FAM171B: variants seen among roughly 807,000 people sequenced by gnomAD.
FAM171B encodes protein FAM171B.
Under a neutral mutation model 75.6 loss-of-function variants are expected in FAM171B, and 19 were observed. The ratio of observed to expected loss-of-function variants is 0.25; its 90% CI spans 0.18 to 0.37. FAM171B has a LOEUF of 0.37. Among genes scored for constraint, FAM171B ranks in the 10% least tolerant of loss-of-function variants. The pLI is 1.00. For missense variants in FAM171B, 848 were observed against 982.4 expected, an observed-to-expected ratio of 0.86 and a Z score of 1.83; for synonymous variants, 367 against 361.7, an observed-to-expected ratio of 1.01 and a Z score of -0.17.
intron 6 of FAM171B, among the ~76,000 whole-genome samples, chr2:186,758,819 A>G (rs1559093930): frequency 6.6e-6 from 1 of 152,088 alleles, no homozygotes; most frequent in Non-Finnish European, 1.5e-5. Context: ...AAGCATTGTT[A>G]TAAATGTTTT....
In FAM171B at chr2:186,765,300, G is replaced by A. The variant is rs750525976; in HGVS notation, c.*2477G>A. The A allele has an allele frequency of 6.6e-6, 1 of 151,740 alleles. No homozygotes were observed. The highest frequency in any genetic ancestry group is 2.4e-5 in the African/African-American group (1 of 41,366). The allele number at this position is 151,740 out of a possible 1,614,324, so 9.4% of individuals were successfully genotyped here. Reference sequence around the variant, plus strand: ...TGGTCACAAATTGTTAACATTTGTCGATCCTTTGTATATACTTTGGATATA... The same window carrying A: ...TGGTCACAAATTGTTAACATTTGTCAATCCTTTGTATATACTTTGGATATA... On this transcript the variant is annotated 3_prime_UTR_variant, in exon 8 of 8. Coordinates refer to ENST00000304698, the MANE Select transcript of FAM171B (RefSeq NM_177454.4).
In FAM171B at chr2:186,763,008, T is replaced by G; in HGVS notation, c.*185T>G. ...ACCAAGGAATGCTTTTTCTGGCCTA[T>G]TCATTTATTTTTGGGTGATGAATTT... On this transcript the variant is annotated 3_prime_UTR_variant, in exon 8 of 8. Transcript: ENST00000304698. 1.5e-6 allele frequency: 1 copy of G among 672,714 alleles called. No individual in the cohort carries two copies. The highest frequency in any genetic ancestry group is 2.5e-5 in the South Asian group (1 of 39,708). The allele number at this position is 672,714 out of a possible 1,614,324, so 41.7% of individuals were successfully genotyped here. A position where few individuals can be genotyped will look rare whatever the true frequency, so the allele number is the denominator to read the frequency against.
In FAM171B at chr2:186,763,388, C is replaced by T. The variant is rs1244408205; in HGVS notation, c.*565C>T. 1.3e-5 allele frequency: 2 copies of T among 151,990 alleles called. No homozygotes were observed. The highest frequency in any genetic ancestry group is 2.9e-5 in the Non-Finnish European group (2 of 68,012). 9.4% of individuals were successfully genotyped at this position (151,990 alleles called of 1,614,324 possible). ...TATTGTATCATCCCAAACGTAAATC[C>T]TACATTTATATAAGATGGGCAAGAA... On this transcript the variant is annotated 3_prime_UTR_variant, in exon 8 of 8. Transcript: ENST00000304698.
At chr2:186,761,426 G>T in intron 7 of FAM171B, 53 bp from the exon 8 acceptor site, 1 of 1,515,110 alleles carries the variant, frequency 6.6e-7, no homozygotes, top group South Asian at 1.4e-5. Context: ...TTTAATAAAT[G>T]AACCATTTGT....
rs540958001 is a variant in FAM171B at position 186,712,970 on chromosome 2, A to C, written c.238+18559A>C. Among the ~76,000 whole-genome samples, 82 of 152,350 alleles carry C rather than the reference A, an allele frequency of 5.4e-4. 1 individual carries two copies. The highest frequency in any genetic ancestry group is 3.8e-3 in the Admixed American group (58 of 15,304). ...ATTATTCAGTCTTCAATAATTATCA[A>C]ATGAAAGTTCTATTTTTCACAAATA... On this transcript the variant is annotated intron_variant, in intron 1 of 7. Transcript: ENST00000304698.
chr2:186,730,312 C>G (rs558017002), intron 1 of FAM171B, among the ~76,000 whole-genome samples: 1 of 152,312 alleles, frequency 6.6e-6, no homozygotes, highest in East Asian at 1.9e-4. Context: ...AAATGTCTTA[C>G]AGGTGTGTAT....
Position 186,761,811 on chromosome 2 carries a change from G to C in FAM171B, c.1469G>C (p.Gly490Ala), listed in dbSNP as rs747078768. 14 of 1,613,062 alleles carry C rather than the reference G, an allele frequency of 8.7e-6. No individual in the cohort carries two copies. The highest frequency in any genetic ancestry group is 1.2e-5 in the Non-Finnish European group (14 of 1,179,744). The change falls in exon 8 of 8, where the codon GGG (glycine) becomes GCG (alanine). Residue 490 changes from glycine (G) to alanine (A), a missense_variant. Physicochemically the swap from Gly to Ala is moderately conservative, Grantham distance 60. Transcript: ENST00000304698. ...NPTQSLEPNV[G>A]SKQPKHINNN... Reference sequence around the variant, plus strand: ...ACACAGTCTTTGGAGCCCAATGTAGGGTCCAAACAACCTAAACATATTAAC... The same window carrying C: ...ACACAGTCTTTGGAGCCCAATGTAGCGTCCAAACAACCTAAACATATTAAC...
At chr2:186,716,594 C>A (rs1689878324) in intron 1 of FAM171B, among the ~76,000 whole-genome samples, 1 of 152,074 alleles carries the variant, frequency 6.6e-6, no homozygotes, top group African/African-American at 2.4e-5. Context: ...CACTGATTGT[C>A]AGGTAGGCTT....
At chr2:186,717,825 C>T (rs1178833661) in intron 1 of FAM171B, among the ~76,000 whole-genome samples, 1 of 152,076 alleles carries the variant, frequency 6.6e-6, no homozygotes, top group East Asian at 1.9e-4. Flanking sequence ...CTTATTAATG[C>T]AAGCTTTCTT....
rs1304546643 is a variant in FAM171B at position 186,761,731 on chromosome 2, C to T, written c.1389C>T (p.Tyr463=). Residue 463 remains tyrosine, a synonymous_variant, in exon 8 of 8, where the codon TAC becomes TAT. Transcript: ENST00000304698. ...AAACTCGGGACGATTTTAAAATCTA[C>T]AATGAAGATGTTTCATTTCTATCAG... is the stretch of plus-strand genomic sequence containing the variant. ...MVKTRDDFKI[Y]NEDVSFLSVN... The T allele has an allele frequency of 1.9e-6, 3 of 1,613,368 alleles. No individual in the cohort carries two copies. In the South Asian group the frequency reaches 3.3e-5, roughly 18 times the overall value.
chr2:186,752,838 C>T (rs988105596), intron 5 of FAM171B, among the ~76,000 whole-genome samples: 2 of 152,082 alleles, frequency 1.3e-5, no homozygotes, highest in Non-Finnish European at 2.9e-5. Flanking sequence ...CAAATATACA[C>T]CAAACTCAAA....
chr2:186,697,843 A>G (rs1373703599), intron 1 of FAM171B, among the ~76,000 whole-genome samples: 1 of 152,170 alleles, frequency 6.6e-6, no homozygotes, highest in Admixed American at 6.5e-5. Flanking sequence ...GTCTCTTTGT[A>G]TTGCTGAGAA....
chr2:186,744,080 C>T lies in FAM171B; in HGVS notation c.565+505C>T, dbSNP rs73033556. 8.4e-3 allele frequency among the ~76,000 whole-genome samples: 1,274 copies of T among 152,298 alleles called. 21 individuals are homozygous for T. The highest frequency in any genetic ancestry group is 0.029 in the African/African-American group (1,225 of 41,558). On this transcript the variant is annotated intron_variant, in intron 3 of 7. Coordinates refer to ENST00000304698, the MANE Select transcript of FAM171B (RefSeq NM_177454.4). ...AGAAATCATGTTTTGGGTACTGATT[C>T]AAACTGTGTCCTCCAATTCTGCTTT...
At chr2:186,708,253 GA>G (rs1242678325) in intron 1 of FAM171B, among the ~76,000 whole-genome samples, 1 of 152,110 alleles carries the variant, frequency 6.6e-6, no homozygotes, top group Non-Finnish European at 1.5e-5. Context: ...TACCTGCTTC[GA>G]AAAGCAAAAT....
chr2:186,760,491 A>G (rs551853576), intron 6 of FAM171B, among the ~76,000 whole-genome samples: 25 of 152,238 alleles, frequency 1.6e-4, no homozygotes, highest in Admixed American at 5.9e-4. Context: ...CACAAAGCTC[A>G]AGTTAGTTAA....
chr2:186,708,470 G>A lies in FAM171B; in HGVS notation c.238+14059G>A, dbSNP rs182800029. 9.9e-5 allele frequency among the ~76,000 whole-genome samples: 15 copies of A among 152,156 alleles called. No homozygotes were observed. The East Asian group carries it at 2.3e-3, about 24-fold the overall frequency. ...CATTGCTTGCAGAGAACACTCAGTT[G>A]AGACATAGATAAAAAGACCACACAT... is the stretch of plus-strand genomic sequence containing the variant. On this transcript the variant is annotated intron_variant, in intron 1 of 7. Coordinates refer to ENST00000304698, the MANE Select transcript of FAM171B (RefSeq NM_177454.4).
intron 1 of FAM171B, among the ~76,000 whole-genome samples, chr2:186,721,461 C>T (rs993276160): frequency 1.3e-5 from 2 of 152,054 alleles, no homozygotes; most frequent in South Asian, 2.1e-4. Context: ...AGAAAATAAA[C>T]GTGTATTTAG....
At chr2:186,738,968 C>G (rs1251839183) in intron 1 of FAM171B, among the ~76,000 whole-genome samples, 3 of 152,104 alleles carry the variant, frequency 2.0e-5, no homozygotes, top group Non-Finnish European at 4.4e-5. Context: ...TAGCCTACTG[C>G]ACACCTAGGT....
intron 1 of FAM171B, among the ~76,000 whole-genome samples, chr2:186,701,552 T>C (rs1487756285): frequency 6.6e-6 from 1 of 152,196 alleles, no homozygotes; most frequent in African/African-American, 2.4e-5. Flanking sequence ...AAAGCACTTA[T>C]TTACTTACTT....
Sources: gnomAD v4.1 joint callset for allele counts (sites outside exome capture counted in the v4.1 genomes callset) on GRCh38, gnomAD v4.1.1 for gene constraint, MANE v1.5 for transcripts, NCBI Gene and HGNC (gene_info 2026-07-23, HGNC 2026-07-21) for gene names.